Variants in FLG observed in about 807,000 individuals in gnomAD.
The protein encoded by FLG is epidermal filaggrin.
In FLG, 6 loss-of-function variants were observed where a neutral mutation model predicts 3.8. The observed-to-expected ratio is 1.60, with a 90% CI of 0.87 to 3.15. FLG has a LOEUF of 3.15. Among genes scored for constraint, FLG ranks in the 30% most tolerant of loss-of-function variants. The pLI, the probability that FLG is intolerant of heterozygous loss-of-function variation, is 0.00. For synonymous variants in FLG, 2,551 were observed against 1,931.6 expected (o/e 1.32, Z -8.41); for missense variants, 7,595 against 5,050.9 (o/e 1.50, Z -15.27).
Position 152,306,428 on chromosome 1 carries a change from T to C in FLG, c.8458A>G (p.Thr2820Ala), listed in dbSNP as rs1296960921. The C allele has an allele frequency of 1.2e-6, 2 of 1,605,376 alleles. No individual in the cohort carries two copies. The highest frequency in any genetic ancestry group is 2.2e-5 in the East Asian group (1 of 44,856). Reference protein sequence around the residue: ...GHSGSHHSHTTSQGRSDASRG... With the variant: ...GHSGSHHSHTASQGRSDASRG... The stretch of plus-strand genomic sequence containing the variant: ...GAGGCATCAGACCTTCCCTGGGATG[T>C]GGTGTGGCTGTGATGGGACCCTGAG... Residue 2820 changes from threonine to alanine, a missense_variant, in exon 3 of 3, where the codon ACA (threonine) becomes GCA (alanine). By Grantham distance (58) the Thr-to-Ala change is moderately conservative. Transcript: ENST00000368799.
In FLG at chr1:152,303,990, C is replaced by T. The variant is rs767041129; in HGVS notation, c.10896G>A (p.Gln3632=). ...AGERHGSHHQ[Q]SADSSRHSGI... The stretch of plus-strand genomic sequence containing the variant: ...CTGAGTGTCTGGAGCTGTCTGCTGA[C>T]TGCTGGTGGTGGGATCCATGTCTCT... The change falls in exon 3 of 3, where the codon CAG becomes CAA. Residue 3632 remains glutamine (Q), a synonymous_variant. Coordinates refer to ENST00000368799, the MANE Select transcript of FLG (RefSeq NM_002016.2). 1 of 1,613,962 alleles carries T rather than the reference C, an allele frequency of 6.2e-7. No individual in the cohort carries two copies. The highest frequency in any genetic ancestry group is 2.2e-5 in the East Asian group (1 of 44,764).
In FLG at chr1:152,312,920, C is replaced by T; in HGVS notation, c.1966G>A (p.Gly656Ser). The T allele has an allele frequency of 6.2e-7, 1 of 1,613,994 alleles. No homozygotes were observed. ...HGSAQEQSRD[G>S]SRHPRSHHED... The stretch of plus-strand genomic sequence containing the variant: ...TGATGGGACCTGGGGTGTCTGGAGC[C>T]ATCTCTTGACTGCTCCTGAGCAGAT... The change falls in exon 3 of 3, where the codon GGC (glycine) becomes AGC (serine). Residue 656 changes from glycine (G) to serine (S), a missense_variant. Coordinates refer to ENST00000368799, the MANE Select transcript of FLG (RefSeq NM_002016.2).
Position 152,308,134 on chromosome 1 carries a change from C to T in FLG, c.6752G>A (p.Gly2251Glu), listed in dbSNP as rs780782268. The part of the protein sequence containing the change: ...SSVSQDSDSE[G>E]HSEDSERRSG... ...CCGCCTCTCAGAATCTTCTGAGTGT[C>T]CCTCACTGTCACTGTCCTGGCTAAC... The change falls in exon 3 of 3, where the codon GGA (glycine) becomes GAA (glutamate). Residue 2251 changes from glycine (G) to glutamate (E), a missense_variant. By Grantham distance (98) the Gly-to-Glu change is moderately conservative (BLOSUM62 -2). Coordinates refer to ENST00000368799, the MANE Select transcript of FLG (RefSeq NM_002016.2). 18 of 1,613,922 alleles carry T rather than the reference C, an allele frequency of 1.1e-5. No homozygotes were observed. Among genetic ancestry groups the T allele is most frequent in the East Asian group, 2.2e-5 (1 of 44,858 alleles).
chr1:152,308,271 G>C lies in FLG; in HGVS notation c.6615C>G (p.His2205Gln). 6.2e-7 allele frequency: 1 copy of C among 1,613,166 alleles called. No individual in the cohort carries two copies. Among genetic ancestry groups the C allele is most frequent in the Non-Finnish European group, 8.5e-7 (1 of 1,179,286 alleles). The change falls in exon 3 of 3, where the codon CAC becomes CAG. Residue 2205 changes from histidine to glutamine, a missense_variant. Coordinates refer to ENST00000368799, the MANE Select transcript of FLG (RefSeq NM_002016.2). Reference sequence around the variant, plus strand: ...AAGCTTCATGATGATGCGACCCTGAGTGCCTAGAGCCATCTCCTGATTGTT... The same window carrying C: ...AAGCTTCATGATGATGCGACCCTGACTGCCTAGAGCCATCTCCTGATTGTT... ...DKEQSGDGSR[H>Q]SGSHHHEASS...
chr1:152,312,794 C>G lies in FLG; in HGVS notation c.2092G>C (p.Glu698Gln), dbSNP rs545520873. The part of the protein sequence containing the change: ...SSSGQAASSH[E>Q]QARSSAGERH... ...TCTCCTGCACTTGATCTTGCCTGTTCATGGGATGACGCAGCCTGTCCACTA... is the reference window on the plus strand; with the variant it reads ...TCTCCTGCACTTGATCTTGCCTGTTGATGGGATGACGCAGCCTGTCCACTA... The change falls in exon 3 of 3, where the codon GAA becomes CAA. Residue 698 changes from glutamate (E) to glutamine (Q), a missense_variant. Transcript: ENST00000368799. The G allele has an allele frequency of 1.9e-6, 3 of 1,614,026 alleles. No individual in the cohort carries two copies. Among genetic ancestry groups the G allele is most frequent in the East Asian group, 4.5e-5 (2 of 44,844 alleles).
chr1:152,318,779 A>G (rs908286960), intron 1 of FLG, among the ~76,000 whole-genome samples: 6 of 151,884 alleles, frequency 4.0e-5, no homozygotes, highest in Admixed American at 6.6e-5. Context: ...ATAGTAGTGA[A>G]CAAGATAGAT....
Position 152,313,017 on chromosome 1 carries a change from C to T in FLG, c.1869G>A (p.Gln623=). 6.2e-7 allele frequency: 1 copy of T among 1,613,992 alleles called. No individual in the cohort carries two copies. Among genetic ancestry groups the T allele is most frequent in the South Asian group, 1.1e-5 (1 of 91,066 alleles). ...TSRNQGSSVS[Q]DSDSQGHSED... ...CTGAGTGTCCCTGACTGTCACTGTC[C>T]TGGCTAACACTGGATCCCTGGTTCC... Residue 623 remains glutamine, a synonymous_variant, in exon 3 of 3, where the codon CAG becomes CAA. Transcript: ENST00000368799.
rs375071229 is a variant in FLG, at chr1:152,307,725, T to A, written c.7161A>T (p.Gly2387=). Residue 2387 remains glycine (G), a synonymous_variant, in exon 3 of 3, where the codon GGA becomes GGT. Transcript: ENST00000368799. ...GGCTCTGCTGATGGGGCCCAGCCTG[T>A]CCGTGGGCTGACACTGACTGTGTGT... ...DSDTQSVSAH[G]QAGPHQQSHQ... The A allele has an allele frequency of 2.5e-6, 4 of 1,613,504 alleles. No homozygotes were observed. The highest frequency in any genetic ancestry group is 3.4e-6 in the Non-Finnish European group (4 of 1,179,890).
intron 1 of FLG, among the ~76,000 whole-genome samples, chr1:152,321,644 G>C (rs187489783): frequency 4.8e-4 from 72 of 151,298 alleles, no homozygotes; most frequent in Admixed American, 4.2e-3. Flanking sequence ...ATAGTACTAT[G>C]TTTATTAAAG....
chr1:152,317,669 T>C (rs1244764835), intron 1 of FLG, among the ~76,000 whole-genome samples: 2 of 151,982 alleles, frequency 1.3e-5, no homozygotes, highest in African/African-American at 2.4e-5. Flanking sequence ...TCTCATCTAG[T>C]TCTATATAAC....
Position 152,312,283 on chromosome 1 carries a change from C to G in FLG, c.2603G>C (p.Gly868Ala), listed in dbSNP as rs760204561. The G allele has an allele frequency of 4.3e-6, 7 of 1,613,604 alleles. No individual in the cohort carries two copies. The South Asian group carries it at 6.6e-5, about 15-fold the overall frequency. Residue 868 changes from glycine to alanine, a missense_variant, in exon 3 of 3, where the codon GGG becomes GCG. Gly to Ala is a moderately conservative substitution (Grantham distance 60). Transcript: ENST00000368799. The part of the protein sequence containing the change: ...EQSVDRSGHS[G>A]SHHSHTTSQG... ...GGATGTGGTGTGGCTGTGATGGGAC[C>G]CTGAGTGTCCAGACCTATCTACCGA...
Position 152,303,276 on chromosome 1 carries a change from C to T in FLG, c.11610G>A (p.Glu3870=). 2.5e-6 allele frequency: 4 copies of T among 1,614,074 alleles called. No individual in the cohort carries two copies. The highest frequency in any genetic ancestry group is 3.4e-6 in the Non-Finnish European group (4 of 1,180,024). The part of the protein sequence containing the change: ...GSSVSQDSDS[E]AYPEDSERRS... Reference sequence around the variant, plus strand: ...GCCTCTCAGAGTCCTCTGGGTATGCCTCACTGTCACTGTCCTGGCTAACAC... The same window carrying T: ...GCCTCTCAGAGTCCTCTGGGTATGCTTCACTGTCACTGTCCTGGCTAACAC... The change falls in exon 3 of 3, where the codon GAG becomes GAA. Residue 3870 remains glutamate (E), a synonymous_variant. Transcript: ENST00000368799.
Position 152,313,517 on chromosome 1 carries a change from G to C in FLG, c.1369C>G (p.Arg457Gly). Residue 457 changes from arginine (R) to glycine (G), a missense_variant, in exon 3 of 3, where the codon CGG becomes GGG. Physicochemically the swap from Arg to Gly is moderately radical, Grantham distance 125. Transcript: ENST00000368799. ...GAACGTCCAGACCGTTCCCCTGACC[G>C]GCCACGTGTGGACTCTTGGTGGCTC... Reference protein sequence around the residue: ...QQSHQESTRGRSGERSGRSGS... With the variant: ...QQSHQESTRGGSGERSGRSGS... 1.2e-6 allele frequency: 2 copies of C among 1,613,858 alleles called. No homozygotes were observed. The highest frequency in any genetic ancestry group is 1.7e-5 in the Admixed American group (1 of 59,998).
chr1:152,302,872 G>A lies in FLG; in HGVS notation c.12014C>T (p.Pro4005Leu). ...ATCAGATCTTTCCTTGAAAACAACA[G>A]GATTGGAATTGTAACTAACACTTCC... ...QHGSVSYNSN[P>L]VVFKERSDIC... The change falls in exon 3 of 3, where the codon CCT becomes CTT. Residue 4005 changes from proline to leucine, a missense_variant. By Grantham distance (98) the Pro-to-Leu change is moderately conservative. Transcript: ENST00000368799. 6.2e-7 allele frequency: 1 copy of A among 1,614,162 alleles called. No homozygotes were observed.
rs769977379 is a variant in FLG at position 152,311,930 on chromosome 1, T to C, written c.2956A>G (p.Arg986Gly). The change falls in exon 3 of 3, where the codon AGG becomes GGG. Residue 986 changes from arginine (R) to glycine (G), a missense_variant. Arg to Gly is a moderately radical substitution (Grantham distance 125). Transcript: ENST00000368799. ...EQSRHGSRHP[R>G]SHHEDRAGHG... ...CCGGCTCTGTCTTCGTGATGGGACC[T>C]GGGGTGTCTGGAGCCATGTCTTGAC... The C allele has an allele frequency of 2.4e-5, 38 of 1,613,992 alleles. No individual in the cohort carries two copies. In the Admixed American group the frequency reaches 6.3e-4, roughly 27 times the overall value.
rs762606982 is a variant in FLG at position 152,309,570 on chromosome 1, A to G, written c.5316T>C (p.His1772=). The G allele has an allele frequency of 2.3e-5, 37 of 1,613,656 alleles. No individual in the cohort carries two copies. Among genetic ancestry groups the G allele is most frequent in the Non-Finnish European group, 2.6e-5 (31 of 1,179,934 alleles). Residue 1772 remains histidine (H), a synonymous_variant, in exon 3 of 3, where the codon CAT becomes CAC. Transcript: ENST00000368799. ...SGSFLYQVST[H]EQSESAHGRT... ...GTCCATGGGCGGACTCAGACTGTTCATGAGTGCTCACCTGGTAGAGGAAAG... is the reference window on the plus strand; with the variant it reads ...GTCCATGGGCGGACTCAGACTGTTCGTGAGTGCTCACCTGGTAGAGGAAAG...
chr1:152,309,979 T>C lies in FLG; in HGVS notation c.4907A>G (p.His1636Arg), dbSNP rs201986758. 6.2e-7 allele frequency: 1 copy of C among 1,614,076 alleles called. No homozygotes were observed. The highest frequency in any genetic ancestry group is 8.5e-7 in the Non-Finnish European group (1 of 1,180,008). The change falls in exon 3 of 3, where the codon CAT (histidine) becomes CGT (arginine). Residue 1636 changes from histidine (H) to arginine (R), a missense_variant. Transcript: ENST00000368799. ...CCCATGACTGGCTCTATCTTCTTGATGGGACCTGGGGTTCCTGGAGCCATG... is the reference window on the plus strand; with the variant it reads ...CCCATGACTGGCTCTATCTTCTTGACGGGACCTGGGGTTCCTGGAGCCATG... ...SRHGSRNPRS[H>R]QEDRASHGHS...
rs769502956 is a variant in FLG, at chr1:152,314,471, C to T, written c.415G>A (p.Gly139Arg). Residue 139 changes from glycine (G) to arginine (R), a missense_variant, in exon 3 of 3, where the codon GGA becomes AGA. Physicochemically the swap from Gly to Arg is moderately radical, Grantham distance 125. Transcript: ENST00000368799. The stretch of plus-strand genomic sequence containing the variant: ...GTTTCTCTTGGGCTCTTGGATCTTC[C>T]CTTATTCCCTTTTCTATTGTTTCTT... Reference protein sequence around the residue: ...ERRNNRKGNKGRSKSPRETGG... With the variant: ...ERRNNRKGNKRRSKSPRETGG... 15 of 1,613,166 alleles carry T rather than the reference C, an allele frequency of 9.3e-6. No individual in the cohort carries two copies. Among genetic ancestry groups the T allele is most frequent in the Non-Finnish European group, 1.3e-5 (15 of 1,179,714 alleles).
In FLG at chr1:152,311,959, T is replaced by C. The variant is rs1471194855; in HGVS notation, c.2927A>G (p.Glu976Gly). Reference sequence around the variant, plus strand: ...GTGTCTGGAGCCATGTCTTGACTGCTCCTGAGCAGATCCACGATGGTTTCT... The same window carrying C: ...GTGTCTGGAGCCATGTCTTGACTGCCCCTGAGCAGATCCACGATGGTTTCT... The part of the protein sequence containing the change: ...ASRNHRGSAQ[E>G]QSRHGSRHPR... Residue 976 changes from glutamate (E) to glycine (G), a missense_variant, in exon 3 of 3, where the codon GAG (glutamate) becomes GGG (glycine). Transcript: ENST00000368799. 1 of 1,614,052 alleles carries C rather than the reference T, an allele frequency of 6.2e-7. No individual in the cohort carries two copies. Among genetic ancestry groups the C allele is most frequent in the East Asian group, 2.2e-5 (1 of 44,852 alleles).
Sources: gnomAD v4.1 joint callset for allele counts (sites outside exome capture counted in the v4.1 genomes callset) on GRCh38, gnomAD v4.1.1 for gene constraint, MANE v1.5 for transcripts, NCBI Gene and HGNC (gene_info 2026-07-23, HGNC 2026-07-21) for gene names.